Variants in MGLL observed in about 807,000 individuals in gnomAD.
MGLL encodes the protein monoglyceride lipase, also known as lysophospholipase homolog.
MGLL carries 7 observed loss-of-function variants against 29.1 expected under a neutral mutation model. That is an observed-to-expected ratio of 0.24 (90% CI 0.14 to 0.45). MGLL has a LOEUF of 0.45. Among genes scored for constraint, MGLL ranks in the 20% least tolerant of loss-of-function variants. The pLI is 0.99. For synonymous variants in MGLL, 148 were observed against 168.3 expected, an observed-to-expected ratio of 0.88 and a Z score of 0.93; for missense variants, 356 against 413.6, an observed-to-expected ratio of 0.86 and a Z score of 1.21.
intron 3 of MGLL, among the ~76,000 whole-genome samples, chr3:127,777,572 AC>A: frequency 6.6e-6 from 1 of 152,268 alleles, no homozygotes; most frequent in Non-Finnish European, 1.5e-5. Context: ...TGCTTCCTCT[AC>A]CTGTTAGAAC....
chr3:127,719,677 TC>T (rs1310956653), intron 5 of MGLL, among the ~76,000 whole-genome samples: 3 of 152,036 alleles, frequency 2.0e-5, no homozygotes, highest in African/African-American at 7.2e-5. Flanking sequence ...AGGTCATGTC[TC>T]CCCCCAATCG....
At position 127,763,558 on chromosome 3, in the gene MGLL, G is replaced by A. The variant is rs369395120; in HGVS notation, c.262+18231C>T. 1.6e-4 allele frequency among the ~76,000 whole-genome samples: 24 copies of A among 152,282 alleles called. 2 individuals carry two copies. Among genetic ancestry groups the A allele is most frequent in the South Asian group, 4.1e-4 (2 of 4,826 alleles). On this transcript the variant is annotated intron_variant, in intron 3 of 7. Coordinates refer to ENST00000265052, the MANE Select transcript of MGLL (RefSeq NM_007283.7). ...CAGCAGCCACGGCCATCTGGATCTC[G>A]GACCCTGCCCAAGCAACCTGGGTGG...
At chr3:127,804,492 G>T (rs2107741214) in intron 2 of MGLL, among the ~76,000 whole-genome samples, 1 of 152,234 alleles carries the variant, frequency 6.6e-6, no homozygotes, top group South Asian at 2.1e-4. Context: ...AAGTCCCCTG[G>T]GCCTCAGTTT....
chr3:127,785,420 G>A (rs536759943), intron 2 of MGLL, among the ~76,000 whole-genome samples: 1 of 152,376 alleles, frequency 6.6e-6, no homozygotes, highest in Middle Eastern at 3.4e-3. Flanking sequence ...ACCACTGGAT[G>A]CTGGGCACTG....
intron 7 of MGLL, among the ~76,000 whole-genome samples, chr3:127,694,272 A>G (rs1402970699): frequency 1.8e-5 from 2 of 108,308 alleles, no homozygotes; most frequent in African/African-American, 7.0e-5. Context: ...TCTGTCTGAA[A>G]AAAAAAAAAA....
chr3:127,767,146 A>G (rs1235472942), intron 3 of MGLL, among the ~76,000 whole-genome samples: 1 of 103,394 alleles, frequency 9.7e-6, no homozygotes, highest in East Asian at 2.8e-4. Flanking sequence ...TACCTTCCTC[A>G]TATTCTCCAT....
At chr3:127,796,833 A>C (rs562476141) in intron 2 of MGLL, among the ~76,000 whole-genome samples, 1 of 152,352 alleles carries the variant, frequency 6.6e-6, no homozygotes, top group Non-Finnish European at 1.5e-5. Context: ...ATTTCCATAT[A>C]AATGTGCGAA....
intron 3 of MGLL, among the ~76,000 whole-genome samples, chr3:127,745,756 C>T (rs2076430795): frequency 6.6e-6 from 1 of 152,174 alleles, no homozygotes; most frequent in African/African-American, 2.4e-5. Flanking sequence ...CATCCATCCT[C>T]TGGGATGCAG....
At chr3:127,810,234 C>CT (rs1332189252) in intron 2 of MGLL, among the ~76,000 whole-genome samples, 2 of 151,840 alleles carry the variant, frequency 1.3e-5, no homozygotes, top group African/African-American at 4.8e-5. Flanking sequence ...TCTTGGACTT[C>CT]TAGGCTCCAA....
At chr3:127,813,796 C>A (rs531222890) in intron 2 of MGLL, among the ~76,000 whole-genome samples, 1 of 152,178 alleles carries the variant, frequency 6.6e-6, no homozygotes, top group South Asian at 2.1e-4. Flanking sequence ...GTGTACATAC[C>A]CCTTTGATGT....
chr3:127,722,658 C>A (rs1467103274), intron 3 of MGLL, 92 bp from the exon 4 acceptor site: 13 of 1,525,142 alleles, frequency 8.5e-6, no homozygotes, highest in Non-Finnish European at 1.1e-5. Context: ...CGCTCTCTCT[C>A]CTGAGCGCCT....
chr3:127,822,804 G>A (rs965044547), upstream of MGLL: 2 of 161,800 alleles, frequency 1.2e-5, no homozygotes, highest in Admixed American at 6.5e-5. Flanking sequence ...TGGGAAAACC[G>A]GGTGGGCTTC....
intron 3 of MGLL, among the ~76,000 whole-genome samples, chr3:127,727,781 T>C (rs1262164927): frequency 6.6e-6 from 1 of 151,912 alleles, no homozygotes; most frequent in Non-Finnish European, 1.5e-5. Context: ...TTTGATTTTG[T>C]ATTTTATCTC....
At chr3:127,740,448 A>C (rs1163599646) in intron 3 of MGLL, among the ~76,000 whole-genome samples, 1 of 151,858 alleles carries the variant, frequency 6.6e-6, no homozygotes, top group Non-Finnish European at 1.5e-5. Flanking sequence ...CCAGTTTTAA[A>C]AAGTCTGAGT....
intron 2 of MGLL, among the ~76,000 whole-genome samples, chr3:127,815,995 G>T (rs1020857886): frequency 6.6e-6 from 1 of 152,232 alleles, no homozygotes; most frequent in African/African-American, 2.4e-5. Flanking sequence ...GCCGTATGGG[G>T]TAGCCACAGA....
chr3:127,782,959 C>T (rs749721934), intron 2 of MGLL, among the ~76,000 whole-genome samples: 20 of 151,968 alleles, frequency 1.3e-4, no homozygotes, highest in Admixed American at 2.6e-4. Context: ...GAGGCCAAGG[C>T]GGGCAGATCA....
intron 3 of MGLL, among the ~76,000 whole-genome samples, chr3:127,726,890 C>T (rs2076056705): frequency 6.6e-6 from 1 of 152,234 alleles, no homozygotes; most frequent in African/African-American, 2.4e-5. Flanking sequence ...ATACTATTTT[C>T]CTGCCTAAGT....
chr3:127,800,548 T>C (rs1242237726), intron 2 of MGLL, among the ~76,000 whole-genome samples: 2 of 152,246 alleles, frequency 1.3e-5, no homozygotes, highest in Non-Finnish European at 2.9e-5. Flanking sequence ...AGTTGGCTAC[T>C]GTTATGGCTA....
intron 3 of MGLL, among the ~76,000 whole-genome samples, chr3:127,739,333 T>C (rs992230488): frequency 1.3e-5 from 2 of 152,178 alleles, no homozygotes; most frequent in African/African-American, 4.8e-5. Context: ...ACTGAGATAA[T>C]TGCTATAAAG....
Sources: allele counts gnomAD v4.1 joint callset (sites outside exome capture counted in the v4.1 genomes callset), GRCh38; gene constraint gnomAD v4.1.1; transcripts MANE v1.5; gene names NCBI Gene and HGNC (gene_info 2026-07-23, HGNC 2026-07-21).